The following CSRNP3 variants were observed in gnomAD, a reference collection of about 807,000 sequenced individuals.
CSRNP3 encodes the protein cysteine and serine rich nuclear protein 3.
CSRNP3 carries 12 observed loss-of-function variants against 48.0 expected under a neutral mutation model. The ratio of observed to expected loss-of-function variants is 0.25; its 90% CI spans 0.16 to 0.41. The LOEUF (loss-of-function observed/expected upper bound fraction) is 0.41. CSRNP3 is among the 10% of genes least tolerant of loss of function. The pLI is 1.00. For synonymous variants in CSRNP3, 263 were observed against 269.7 expected, an observed-to-expected ratio of 0.98 and a Z score of 0.24; for missense variants, 580 against 724.4, an observed-to-expected ratio of 0.80 and a Z score of 2.29.
intron 1 of CSRNP3, among the ~76,000 whole-genome samples, chr2:165,492,509 T>G (rs1574802099): frequency 1.3e-5 from 2 of 152,088 alleles, no homozygotes; most frequent in South Asian, 4.2e-4. Context: ...CTCCTCCATG[T>G]TATTACCTCT....
intron 4 of CSRNP3, among the ~76,000 whole-genome samples, chr2:165,610,649 A>C (rs892956223): frequency 2.6e-5 from 4 of 152,168 alleles, no homozygotes; most frequent in Admixed American, 2.0e-4. Context: ...TGACGCTGTC[A>C]TGACTGAAGG....
intron 2 of CSRNP3, among the ~76,000 whole-genome samples, chr2:165,513,130 T>G (rs1423362047): frequency 6.6e-6 from 1 of 152,066 alleles, no homozygotes; most frequent in Non-Finnish European, 1.5e-5. Context: ...TAGGGTCAAC[T>G]CTGCATAGAA....
intron 3 of CSRNP3, among the ~76,000 whole-genome samples, chr2:165,524,338 A>C (rs538082129): frequency 2.4e-4 from 37 of 152,224 alleles, no homozygotes; most frequent in Non-Finnish European, 5.1e-4. Flanking sequence ...AATTTAAATA[A>C]AGATTTAAAA....
At chr2:165,665,194 A>C (rs751767672) in intron 5 of CSRNP3, among the ~76,000 whole-genome samples, 7 of 152,124 alleles carry the variant, frequency 4.6e-5, no homozygotes, top group Non-Finnish European at 1.0e-4. Flanking sequence ...CATGACCCCC[A>C]GGGAGAAACA....
intron 5 of CSRNP3, among the ~76,000 whole-genome samples, chr2:165,667,973 C>A (rs1448918174): frequency 6.6e-6 from 1 of 152,190 alleles, no homozygotes; most frequent in Non-Finnish European, 1.5e-5. Context: ...TTCACTTATT[C>A]ATTTTAAAAA....
intron 4 of CSRNP3, among the ~76,000 whole-genome samples, chr2:165,611,560 G>A (rs1485561393): frequency 6.6e-6 from 1 of 151,962 alleles, no homozygotes; most frequent in African/African-American, 2.4e-5. Flanking sequence ...CATGATAAGG[G>A]TGGGTTTCCT....
At chr2:165,492,176 G>T (rs907184436) in intron 1 of CSRNP3, among the ~76,000 whole-genome samples, 1 of 151,986 alleles carries the variant, frequency 6.6e-6, no homozygotes, top group Non-Finnish European at 1.5e-5. Flanking sequence ...CTCCCTACTA[G>T]GATTTTCCTT....
chr2:165,642,495 A>G lies in CSRNP3; in HGVS notation c.149-15266A>G, dbSNP rs1002034153. ...AGATTATTTTTTTGCAAGAATTGCA[A>G]TGTCTAATAAGAGTAGACGTGGCAT... On this transcript the variant is annotated intron_variant, in intron 4 of 6. Coordinates refer to ENST00000651982, the MANE Select transcript of CSRNP3 (RefSeq NM_001172173.2). Among the ~76,000 whole-genome samples the G allele has an allele frequency of 5.3e-5, 8 of 152,228 alleles. No individual in the cohort carries two copies. In the South Asian group the frequency reaches 1.0e-3, roughly 20 times the overall value.
At chr2:165,534,305 A>G (rs765776085) in intron 3 of CSRNP3, among the ~76,000 whole-genome samples, 9 of 149,878 alleles carry the variant, frequency 6.0e-5, no homozygotes, top group Admixed American at 2.0e-4. Flanking sequence ...ATTTTTTGGT[A>G]TCTATCTGTT....
intron 5 of CSRNP3, 139 bp from the exon 6 acceptor site, chr2:165,676,173 A>T (rs1426526422): frequency 1.4e-5 from 10 of 705,382 alleles, no homozygotes; most frequent in African/African-American, 3.5e-5. Context: ...TCTCCTAAAG[A>T]TTAAAAAAAT....
intron 3 of CSRNP3, among the ~76,000 whole-genome samples, chr2:165,578,104 A>G (rs918456034): frequency 4.6e-5 from 7 of 152,078 alleles, no homozygotes; most frequent in Non-Finnish European, 7.4e-5. Flanking sequence ...TAACAGGTAT[A>G]CAAAAGAAAA....
chr2:165,481,463 C>A (rs1684042154), intron 1 of CSRNP3, among the ~76,000 whole-genome samples: 1 of 152,094 alleles, frequency 6.6e-6, no homozygotes, highest in African/African-American at 2.4e-5. Context: ...AGGCAACGTG[C>A]CCTGACACCA....
intron 3 of CSRNP3, among the ~76,000 whole-genome samples, chr2:165,575,486 A>G (rs1685434225): frequency 6.6e-6 from 1 of 152,186 alleles, no homozygotes. Flanking sequence ...GCTTTTAGCC[A>G]TGAAATGACT....
At chr2:165,542,097 A>G (rs192977699) in intron 3 of CSRNP3, among the ~76,000 whole-genome samples, 61 of 152,284 alleles carry the variant, frequency 4.0e-4, no homozygotes, top group African/African-American at 1.4e-3. Flanking sequence ...CAAACTGTGC[A>G]TTGACTTCCA....
chr2:165,527,206 T>A (rs1409297873), intron 3 of CSRNP3, among the ~76,000 whole-genome samples: 1 of 141,954 alleles, frequency 7.0e-6, no homozygotes, highest in Non-Finnish European at 1.5e-5. Flanking sequence ...GTACTTTTTT[T>A]TTTTTTTTTT....
intron 3 of CSRNP3, among the ~76,000 whole-genome samples, chr2:165,560,216 A>T (rs777790657): frequency 1.3e-5 from 2 of 152,122 alleles, no homozygotes; most frequent in Non-Finnish European, 2.9e-5. Flanking sequence ...TCCCCTTGTT[A>T]TATGGTGGAA....
At chr2:165,599,375 T>TTTTTG (rs1553478366) in intron 4 of CSRNP3, among the ~76,000 whole-genome samples, 1 of 150,818 alleles carries the variant, frequency 6.6e-6, no homozygotes, top group Non-Finnish European at 1.5e-5. Flanking sequence ...TCTGAGGTTT[T>TTTTTG]TTTGTTTGTT....
In CSRNP3 at chr2:165,563,747, T is replaced by C. The variant is rs180897222; in HGVS notation, c.-23-31296T>C. On this transcript the variant is annotated intron_variant, in intron 3 of 6. Transcript: ENST00000651982. Reference sequence around the variant, plus strand: ...GAGACATAGTATTAAGACACTAATATTTTTCCAATTAGACACATGTGCCAC... The same window carrying C: ...GAGACATAGTATTAAGACACTAATACTTTTCCAATTAGACACATGTGCCAC... 4.6e-5 allele frequency among the ~76,000 whole-genome samples: 7 copies of C among 152,202 alleles called. No homozygotes were observed. In the East Asian group the frequency reaches 1.4e-3, roughly 29 times the overall value.
intron 5 of CSRNP3, 31 bp from the exon 6 acceptor site, chr2:165,676,281 G>C (rs1465746766): frequency 6.3e-7 from 1 of 1,589,498 alleles, no homozygotes; most frequent in African/African-American, 1.4e-5. Flanking sequence ...TGCCCTTAAT[G>C]AGTCTCTTAT....
Sources: gnomAD v4.1 joint callset for allele counts (sites outside exome capture counted in the v4.1 genomes callset) on GRCh38, gnomAD v4.1.1 for gene constraint, MANE v1.5 for transcripts, NCBI Gene and HGNC (gene_info 2026-07-23, HGNC 2026-07-21) for gene names.